The following RUSF1 variants were observed in gnomAD, a reference collection of about 807,000 sequenced individuals.
RUSF1 encodes the protein RUS family member 1.
In RUSF1, 58 loss-of-function variants were observed where a neutral mutation model predicts 63.0. The observed-to-expected ratio is 0.92, with a 90% CI of 0.75 to 1.15. The LOEUF (loss-of-function observed/expected upper bound fraction) is 1.15. Ranked by LOEUF, RUSF1 falls within the 50% of genes most tolerant of loss-of-function variation. The pLI is 0.00. For synonymous variants in RUSF1, 274 were observed against 255.8 expected, an observed-to-expected ratio of 1.07 and a Z score of -0.68; for missense variants, 652 against 611.0, an observed-to-expected ratio of 1.07 and a Z score of -0.71.
intron 3 of RUSF1, among the ~76,000 whole-genome samples, chr16:31,499,877 G>A (rs1221475207): frequency 6.6e-6 from 1 of 152,032 alleles, no homozygotes; most frequent in Non-Finnish European, 1.5e-5. Flanking sequence ...TAGAGTGAGG[G>A]TACCCAGTGA....
chr16:31,491,926 G>A (rs1351172617), intron 12 of RUSF1, 83 bp downstream of exon 12: 4 of 1,413,566 alleles, frequency 2.8e-6, no homozygotes, highest in African/African-American at 1.4e-5. Flanking sequence ...TACCTTTCAG[G>A]TGAAAGGGTG....
intron 10 of RUSF1, 86 bp from the exon 11 acceptor site, chr16:31,492,426 C>T: frequency 2.1e-6 from 3 of 1,436,836 alleles, no homozygotes; most frequent in South Asian, 1.5e-5. Flanking sequence ...CCCCTGTCTG[C>T]CCCAAGACCT....
Position 31,490,823 on chromosome 16 carries a change from C to T in RUSF1, c.*12G>A, listed in dbSNP as rs761682484. 1.8e-5 allele frequency: 29 copies of T among 1,613,822 alleles called. No individual in the cohort carries two copies. Among genetic ancestry groups the T allele is most frequent in the South Asian group, 8.8e-5 (8 of 91,088 alleles). On this transcript the variant is annotated 3_prime_UTR_variant, in exon 13 of 13. Transcript: ENST00000327237. ...GGTTCCTGCCCTGGGCTTGGGCCTC[C>T]GTCTGGGCTGCTCACAAGACCTTCT...
At position 31,507,855 on chromosome 16, in the gene RUSF1, G is replaced by T; in HGVS notation, c.324C>A (p.Gly108=). 6.4e-7 allele frequency: 1 copy of T among 1,568,264 alleles called. No individual in the cohort carries two copies. Among genetic ancestry groups the T allele is most frequent in the East Asian group, 2.4e-5 (1 of 42,286 alleles). The change falls in exon 2 of 13, where the codon GGC becomes GGA. Residue 108 remains glycine, a synonymous_variant. Transcript: ENST00000327237. ...GCAAGACTGCCTGGGTGGCTAGGGA[G>T]CCGGAGAGGCTGGAAGCAAACGCCT... ...SVQAFASSLS[G]SLATQAVLLG...
Position 31,492,532 on chromosome 16 carries a change from A to T in RUSF1, c.1088-192T>A, listed in dbSNP as rs866475249. Among the ~76,000 whole-genome samples the T allele has an allele frequency of 3.3e-5, 5 of 152,252 alleles. 1 individual carries two copies. Among genetic ancestry groups the T allele is most frequent in the African/African-American group, 4.8e-5 (2 of 41,528 alleles). On this transcript the variant is annotated intron_variant, in intron 10 of 12. Transcript: ENST00000327237. Reference sequence around the variant, plus strand: ...GGGCCAAACTGACCAATTTCCAAATACAATTTCCCAGCCGCTCACTGGGCT... The same window carrying T: ...GGGCCAAACTGACCAATTTCCAAATTCAATTTCCCAGCCGCTCACTGGGCT...
At position 31,490,278 on chromosome 16, in the gene RUSF1, A is replaced by G; in HGVS notation, c.*557T>C. The G allele has an allele frequency of 6.2e-7, 1 of 1,613,782 alleles. No homozygotes were observed. Among genetic ancestry groups the G allele is most frequent in the Non-Finnish European group, 8.5e-7 (1 of 1,179,884 alleles). The stretch of plus-strand genomic sequence containing the variant: ...GGGGCTGGAGGAGCTGAGTTCCCGC[A>G]AACTAACTGCAGGGCCTCAATTTCC... On this transcript the variant is annotated 3_prime_UTR_variant, in exon 13 of 13. Coordinates refer to ENST00000327237, the MANE Select transcript of RUSF1 (RefSeq NM_022744.4).
chr16:31,490,812 GC>G lies in RUSF1; in HGVS notation c.*22del, dbSNP rs771600700. On this transcript the variant is annotated 3_prime_UTR_variant, in exon 13 of 13. Transcript: ENST00000327237. Reference sequence around the variant, plus strand: ...TCCTTGCTCCAGGTTCCTGCCCTGGGCTTGGGCCTCCGTCTGGGCTGCTCAC... The same window carrying G: ...TCCTTGCTCCAGGTTCCTGCCCTGGGTTGGGCCTCCGTCTGGGCTGCTCAC... 1.2e-6 allele frequency: 2 copies of G among 1,612,632 alleles called. No homozygotes were observed.
At chr16:31,495,584 C>T (rs923583990) in intron 6 of RUSF1, among the ~76,000 whole-genome samples, 4 of 151,990 alleles carry the variant, frequency 2.6e-5, no homozygotes, top group East Asian at 1.9e-4. Context: ...TGGGGACCAG[C>T]GAGAGAACAG....
At chr16:31,503,463 T>C (rs1349110939) in intron 2 of RUSF1, among the ~76,000 whole-genome samples, 3 of 152,184 alleles carry the variant, frequency 2.0e-5, no homozygotes, top group Non-Finnish European at 4.4e-5. Context: ...GTTGCCAAAA[T>C]ATTAGCAACA....
chr16:31,489,585 CT>C lies in RUSF1; in HGVS notation c.*1249del, dbSNP rs1306636768. 2.0e-5 allele frequency: 12 copies of C among 588,338 alleles called. No homozygotes were observed. The highest frequency in any genetic ancestry group is 3.6e-5 in the Non-Finnish European group (12 of 329,086). The allele number at this position is 588,338 out of a possible 1,614,324, so 36.4% of individuals were successfully genotyped here. A position where few individuals can be genotyped will look rare whatever the true frequency, so the allele number is the denominator to read the frequency against. On this transcript the variant is annotated 3_prime_UTR_variant, in exon 13 of 13. Coordinates refer to ENST00000327237, the MANE Select transcript of RUSF1 (RefSeq NM_022744.4). Reference sequence around the variant, plus strand: ...TCCCAAAGCCAATCCTTGGCATGGCCTTTGGGACTCAAAACACAGGATCTGA... The same window carrying C: ...TCCCAAAGCCAATCCTTGGCATGGCCTTGGGACTCAAAACACAGGATCTGA...
chr16:31,500,857 G>T (rs536362290), intron 2 of RUSF1, 126 bp from the exon 3 acceptor site: 11 of 978,520 alleles, frequency 1.1e-5, no homozygotes, highest in South Asian at 1.9e-5. Flanking sequence ...TCTGGTACTA[G>T]AAGTTGTGGA....
rs528315820 is a variant in RUSF1 at position 31,500,610 on chromosome 16, T to C, written c.461+76A>G. 4.6e-6 allele frequency: 7 copies of C among 1,518,802 alleles called. No homozygotes were observed. In the Admixed American group the frequency reaches 5.5e-5, roughly 12 times the overall value. The allele number at this position is 1,518,802 out of a possible 1,614,324, so 94.1% of individuals were successfully genotyped here. On this transcript the variant is annotated intron_variant, in intron 3 of 12. Coordinates refer to ENST00000327237, the MANE Select transcript of RUSF1 (RefSeq NM_022744.4). ...ATGGAACCCTTACAGCCACAATTAA[T>C]GGCAATACTATTACTATCATTACTA...
At position 31,493,798 on chromosome 16, in the gene RUSF1, AGAGT is replaced by A. The variant is rs773093945; in HGVS notation, c.774-15_774-12del. 1.2e-6 allele frequency: 2 copies of A among 1,614,162 alleles called. No individual in the cohort carries two copies. Among genetic ancestry groups the A allele is most frequent in the Non-Finnish European group, 1.7e-6 (2 of 1,180,004 alleles). The stretch of plus-strand genomic sequence containing the variant: ...CATCCAAGGCTGAAGCTGGGGTGAG[AGAGT>A]GAGGTAGCTGAAGTGGGCAGAGGCC... On this transcript the variant is annotated splice_polypyrimidine_tract_variant and intron_variant, in intron 7 of 12. Transcript: ENST00000327237.
chr16:31,502,317 C>G (rs1476773398), intron 2 of RUSF1, among the ~76,000 whole-genome samples: 1 of 152,312 alleles, frequency 6.6e-6, no homozygotes, highest in Non-Finnish European at 1.5e-5. Context: ...GCATTCTCCC[C>G]TTTCCAGAGC....
intron 9 of RUSF1, 34 bp from the exon 10 acceptor site, chr16:31,493,082 G>A (rs2082581767): frequency 4.4e-6 from 7 of 1,603,568 alleles, no homozygotes; most frequent in Non-Finnish European, 8.5e-7. Flanking sequence ...TGGGGGTGGA[G>A]GACAGCAAAG....
intron 3 of RUSF1, 48 bp downstream of exon 3, chr16:31,500,638 A>G: frequency 6.3e-7 from 1 of 1,582,700 alleles, no homozygotes; most frequent in Middle Eastern, 1.7e-4. Context: ...CATTACTACC[A>G]CTACTGGGAA....
intron 2 of RUSF1, among the ~76,000 whole-genome samples, chr16:31,505,110 C>T (rs1048587280): frequency 1.1e-4 from 16 of 152,130 alleles, no homozygotes; most frequent in Non-Finnish European, 2.2e-4. Flanking sequence ...AGCCCGACAC[C>T]TGTAAAGGGT....
At position 31,507,768 on chromosome 16, in the gene RUSF1, C is replaced by T. The variant is rs763175349; in HGVS notation, c.411G>A (p.Val137=). The change falls in exon 2 of 13, where the codon GTG becomes GTA. Residue 137 remains valine, a synonymous_variant. Coordinates refer to ENST00000327237, the MANE Select transcript of RUSF1 (RefSeq NM_022744.4). ...TVSAATATWL[V]KDSTGMLGRI... is the part of the protein sequence containing the mutation. ...GGCTCCAGGGGTGCAGCTCACCTTTCACGAGCCAGGTGGCCGTGGCAGCTG... is the reference window on the plus strand; with the variant it reads ...GGCTCCAGGGGTGCAGCTCACCTTTTACGAGCCAGGTGGCCGTGGCAGCTG... The T allele has an allele frequency of 2.6e-6, 4 of 1,563,592 alleles. No homozygotes were observed. Among genetic ancestry groups the T allele is most frequent in the Non-Finnish European group, 3.5e-6 (4 of 1,153,532 alleles).
intron 2 of RUSF1, 27 bp downstream of exon 2, chr16:31,507,737 A>G: frequency 6.5e-7 from 1 of 1,547,296 alleles, no homozygotes; most frequent in South Asian, 1.2e-5. Flanking sequence ...AAGCAGCAAT[A>G]CGTGAGGCTC....
Sources: gnomAD v4.1 joint callset for allele counts (sites outside exome capture counted in the v4.1 genomes callset) on GRCh38, gnomAD v4.1.1 for gene constraint, MANE v1.5 for transcripts, NCBI Gene and HGNC (gene_info 2026-07-23, HGNC 2026-07-21) for gene names.